The following MAPK14 variants were observed in gnomAD, a reference collection of about 807,000 sequenced individuals.
MAPK14 encodes the protein CSAID-binding protein.
A neutral mutation model predicts 49.6 loss-of-function variants in MAPK14; 16 were observed. That is an observed-to-expected ratio of 0.32 (90% CI 0.22 to 0.49). The LOEUF (loss-of-function observed/expected upper bound fraction) is 0.49. Ranked by LOEUF, MAPK14 falls within the 20% of genes least tolerant of loss-of-function variation. MAPK14 has a pLI of 0.99. For missense variants in MAPK14, 200 were observed against 441.2 expected, an observed-to-expected ratio of 0.45 and a Z score of 4.90; for synonymous variants, 142 against 158.0, an observed-to-expected ratio of 0.90 and a Z score of 0.76.
intron 8 of MAPK14, among the ~76,000 whole-genome samples, chr6:36,087,141 T>TA (rs1199553472): frequency 6.6e-6 from 1 of 152,168 alleles, no homozygotes; most frequent in East Asian, 1.9e-4. Context: ...TGATGGAACA[T>TA]ACCTCAAAAT....
intron 1 of MAPK14, among the ~76,000 whole-genome samples, chr6:36,035,411 C>G (rs1032182998): frequency 6.6e-6 from 1 of 152,134 alleles, no homozygotes; most frequent in Non-Finnish European, 1.5e-5. Context: ...CAGCTGTTCC[C>G]TCTCTCCATC....
At chr6:36,117,603 G>T in the MAPK14 span, among the ~76,000 whole-genome samples, 3 of 152,254 alleles carry the variant, frequency 2.0e-5, no homozygotes, top group African/African-American at 7.2e-5. Flanking sequence ...GCTCAAAAAA[G>T]AAAAACATAT....
chr6:36,093,737 A>C (rs903845424), intron 8 of MAPK14, among the ~76,000 whole-genome samples: 10 of 151,732 alleles, frequency 6.6e-5, no homozygotes, highest in African/African-American at 1.2e-4. Flanking sequence ...AAAAAAAAAA[A>C]AAAAAACAAC....
the MAPK14 span, among the ~76,000 whole-genome samples, chr6:36,123,250 T>A: frequency 6.6e-6 from 1 of 151,880 alleles, no homozygotes; most frequent in Non-Finnish European, 1.5e-5. Context: ...ATGGTGCAAA[T>A]TCGTGGCAAG....
chr6:36,067,269 ATCTC>A (rs1243879105), intron 3 of MAPK14, among the ~76,000 whole-genome samples: 4 of 152,090 alleles, frequency 2.6e-5, no homozygotes, highest in African/African-American at 9.7e-5. Flanking sequence ...TCCTTCAGCA[ATCTC>A]TCTCTAATTC....
chr6:36,120,838 G>A, the MAPK14 span, among the ~76,000 whole-genome samples: 1 of 152,180 alleles, frequency 6.6e-6, no homozygotes, highest in African/African-American at 2.4e-5. Flanking sequence ...GTCTTGAGAG[G>A]TGCCTGGCAA....
At chr6:36,122,858 G>A in the MAPK14 span, among the ~76,000 whole-genome samples, 4 of 152,140 alleles carry the variant, frequency 2.6e-5, no homozygotes, top group African/African-American at 9.7e-5. Flanking sequence ...ATGGAGGCAC[G>A]AGATTCAGAC....
intron 7 of MAPK14, 31 bp downstream of exon 7, chr6:36,075,993 A>G (rs756547376): frequency 1.2e-6 from 2 of 1,610,010 alleles, no homozygotes; most frequent in Non-Finnish European, 1.7e-6. Flanking sequence ...TTAGGGCCTT[A>G]TTTAATTCCA....
At chr6:36,075,815 T>C in intron 6 of MAPK14, 33 bp from the exon 7 acceptor site, 2 of 1,613,264 alleles carry the variant, frequency 1.2e-6, no homozygotes, top group Non-Finnish European at 1.7e-6. Flanking sequence ...TTCTAAGTCT[T>C]AGCAGTTTGT....
chr6:36,091,205 CT>C (rs1765214380), intron 8 of MAPK14, among the ~76,000 whole-genome samples: 1 of 151,132 alleles, frequency 6.6e-6, no homozygotes, highest in African/African-American at 2.4e-5. Flanking sequence ...GAATATCCCT[CT>C]TTTACTTTCC....
rs533125933 is a variant in MAPK14 at position 36,041,253 on chromosome 6, C to G, written c.117-11446C>G. Reference sequence around the variant, plus strand: ...TTTTTTTAAACACCACCTTAAAGTACTCTGCTATTCAGATTTTTCCTTGTG... The same window carrying G: ...TTTTTTTAAACACCACCTTAAAGTAGTCTGCTATTCAGATTTTTCCTTGTG... On this transcript the variant is annotated intron_variant, in intron 1 of 11. Transcript: ENST00000229794. 1.3e-4 allele frequency among the ~76,000 whole-genome samples: 20 copies of G among 150,892 alleles called. 1 individual carries two copies.
chr6:36,113,443 A>AT (rs1766010633), downstream of MAPK14, among the ~76,000 whole-genome samples: 1 of 152,024 alleles, frequency 6.6e-6, no homozygotes. Flanking sequence ...AGTAACCCAC[A>AT]TATCTATGAA....
At chr6:36,039,620 C>T (rs562534824) in intron 1 of MAPK14, among the ~76,000 whole-genome samples, 8 of 152,106 alleles carry the variant, frequency 5.3e-5, no homozygotes, top group African/African-American at 1.4e-4. Flanking sequence ...TCTTTGTTTT[C>T]GTAAGTTCAT....
intron 8 of MAPK14, among the ~76,000 whole-genome samples, chr6:36,078,375 C>T (rs778502263): frequency 5.3e-5 from 8 of 152,184 alleles, no homozygotes; most frequent in Admixed American, 1.3e-4. Flanking sequence ...AATTGTCTAC[C>T]TATGAATCAT....
intron 8 of MAPK14, chr6:36,091,844 C>CTTTTTTTTT (rs1185804651): frequency 1.7e-3 from 205 of 124,158 alleles, no homozygotes; most frequent in Middle Eastern, 8.8e-3. Flanking sequence ...CTTTTCTTTT[C>CTTTTTTTTT]TTTTTTTTTT....
Position 36,105,929 on chromosome 6 carries a change from A to G in MAPK14, c.842-1526A>G, listed in dbSNP as rs191860834. 2.0e-5 allele frequency among the ~76,000 whole-genome samples: 3 copies of G among 152,392 alleles called. No individual in the cohort carries two copies. In the East Asian group the frequency reaches 5.8e-4, roughly 29 times the overall value. On this transcript the variant is annotated intron_variant, in intron 10 of 11. Coordinates refer to ENST00000229794, the MANE Select transcript of MAPK14 (RefSeq NM_139012.3). ...AAACACAAAAATACTCATTTGAAAT[A>G]TAGAGTTAGACAAATTACCATTTTG...
At chr6:36,043,507 T>G (rs967002269) in intron 1 of MAPK14, among the ~76,000 whole-genome samples, 2 of 152,232 alleles carry the variant, frequency 1.3e-5, no homozygotes, top group African/African-American at 4.8e-5. Context: ...TTTGCACATT[T>G]ACTTGAATAT....
intron 9 of MAPK14, among the ~76,000 whole-genome samples, chr6:36,098,371 A>G (rs1287466373): frequency 1.3e-5 from 2 of 152,142 alleles, no homozygotes; most frequent in Non-Finnish European, 2.9e-5. Flanking sequence ...CAAGAAAATC[A>G]TATTAAGAAA....
intron 1 of MAPK14, among the ~76,000 whole-genome samples, chr6:36,036,295 C>G (rs1289003705): frequency 6.7e-6 from 1 of 150,216 alleles, no homozygotes; most frequent in Non-Finnish European, 1.5e-5. Context: ...GAAATTGCTT[C>G]TCAGGAATGA....
Sources: gnomAD v4.1 joint callset for allele counts (sites outside exome capture counted in the v4.1 genomes callset) on GRCh38, gnomAD v4.1.1 for gene constraint, MANE v1.5 for transcripts, NCBI Gene and HGNC (gene_info 2026-07-23, HGNC 2026-07-21) for gene names.